Variants in ADGRG7 observed in about 807,000 individuals in gnomAD.
The protein encoded by ADGRG7 is G-protein coupled receptor 128.
Under a neutral mutation model 88.6 loss-of-function variants are expected in ADGRG7, and 82 were observed. The ratio of observed to expected loss-of-function variants is 0.93; its 90% CI spans 0.77 to 1.11. The LOEUF is 1.11. Among genes scored for constraint, ADGRG7 ranks in the 50% most tolerant of loss-of-function variants. ADGRG7 has a pLI of 0.00. For missense variants in ADGRG7, 945 were observed against 953.4 expected, an observed-to-expected ratio of 0.99 and a Z score of 0.12; for synonymous variants, 381 against 345.2, an observed-to-expected ratio of 1.10 and a Z score of -1.15.
At chr3:100,632,036 A>G (rs1306223995) in intron 3 of ADGRG7, among the ~76,000 whole-genome samples, 1 of 152,128 alleles carries the variant, frequency 6.6e-6, no homozygotes, top group Non-Finnish European at 1.5e-5. Context: ...ACTATACTAT[A>G]TGGTATGCTA....
chr3:100,621,179 A>G (rs1338057136), intron 1 of ADGRG7, among the ~76,000 whole-genome samples: 2 of 152,170 alleles, frequency 1.3e-5, no homozygotes, highest in Non-Finnish European at 2.9e-5. Flanking sequence ...CCGAGACACA[A>G]CATCGTTGAA....
intron 11 of ADGRG7, chr3:100,654,215 G>A (rs985590656): frequency 9.9e-5 from 15 of 152,092 alleles, no homozygotes; most frequent in Admixed American, 9.8e-4. Flanking sequence ...TCACGTGGAG[G>A]GCCATGTTAT....
chr3:100,695,064 C>A lies in ADGRG7; in HGVS notation c.*63C>A. On this transcript the variant is annotated 3_prime_UTR_variant, in exon 16 of 16. Transcript: ENST00000273352. ...TCGTTTGAGTTTTATCTGTTTCTCT[C>A]CTTTATTTCCCAGTCCTCTCAGAAA... The A allele has an allele frequency of 6.6e-7, 1 of 1,509,044 alleles. No homozygotes were observed. The highest frequency in any genetic ancestry group is 1.2e-5 in the South Asian group (1 of 80,510). The allele number at this position is 1,509,044 out of a possible 1,614,324, so 93.5% of individuals were successfully genotyped here.
Position 100,655,020 on chromosome 3 carries a change from C to G in ADGRG7, c.1565C>G (p.Pro522Arg). The G allele has an allele frequency of 6.2e-7, 1 of 1,614,050 alleles. No individual in the cohort carries two copies. The highest frequency in any genetic ancestry group is 1.1e-5 in the South Asian group (1 of 91,064). The part of the protein sequence containing the change: ...DIPRTDTINI[P>R]NPMCTAIAAL... ...CCCAGGACAGACACCATTAACATCC[C>G]GAATCCCATGTGCACTGCGATTGCC... Residue 522 changes from proline to arginine, a missense_variant, in exon 12 of 16, where the codon CCG (proline) becomes CGG (arginine). By Grantham distance (103) the Pro-to-Arg change is moderately radical. Coordinates refer to ENST00000273352, the MANE Select transcript of ADGRG7 (RefSeq NM_032787.3).
intron 10 of ADGRG7, among the ~76,000 whole-genome samples, chr3:100,649,250 G>A (rs915069087): frequency 1.3e-5 from 2 of 152,180 alleles, no homozygotes; most frequent in African/African-American, 4.8e-5. Flanking sequence ...AAAAAAGTCT[G>A]CCCTCCACAT....
intron 15 of ADGRG7, among the ~76,000 whole-genome samples, chr3:100,681,999 G>T (rs2094974065): frequency 6.6e-6 from 1 of 152,172 alleles, no homozygotes; most frequent in Non-Finnish European, 1.5e-5. Context: ...TTCAGTTTTG[G>T]TATTTATTGA....
chr3:100,680,219 A>T (rs944442952), intron 15 of ADGRG7, among the ~76,000 whole-genome samples: 2 of 152,196 alleles, frequency 1.3e-5, no homozygotes, highest in African/African-American at 4.8e-5. Flanking sequence ...TATCATTTAG[A>T]TAAAAAGGTT....
intron 14 of ADGRG7, among the ~76,000 whole-genome samples, chr3:100,665,642 C>T (rs1008411125): frequency 1.3e-5 from 2 of 152,132 alleles, no homozygotes; most frequent in African/African-American, 4.8e-5. Context: ...CACTGATAAA[C>T]ATTAAAAGTA....
At chr3:100,635,424 G>C in intron 4 of ADGRG7, 1 of 538,060 alleles carries the variant, frequency 1.9e-6, no homozygotes, top group Non-Finnish European at 2.8e-6. Context: ...ATACACTCTA[G>C]TAGCCCCAAT....
At chr3:100,691,602 C>T in intron 15 of ADGRG7, among the ~76,000 whole-genome samples, 1 of 151,634 alleles carries the variant, frequency 6.6e-6, no homozygotes, top group Non-Finnish European at 1.5e-5. Flanking sequence ...GGAGAATTCC[C>T]ATGTACACTT....
At chr3:100,694,087 G>A (rs1484948828) in intron 15 of ADGRG7, among the ~76,000 whole-genome samples, 3 of 152,194 alleles carry the variant, frequency 2.0e-5, no homozygotes, top group Admixed American at 2.0e-4. Context: ...TCTGAAACAT[G>A]CGGATGATAA....
chr3:100,627,012 T>C (rs1161842420), intron 1 of ADGRG7, among the ~76,000 whole-genome samples: 1 of 152,234 alleles, frequency 6.6e-6, no homozygotes, highest in African/African-American at 2.4e-5. Flanking sequence ...TAGCATTTCA[T>C]ATATTTGATG....
At chr3:100,649,456 T>C (rs2094925511) in intron 10 of ADGRG7, among the ~76,000 whole-genome samples, 1 of 152,234 alleles carries the variant, frequency 6.6e-6, no homozygotes, top group South Asian at 2.1e-4. Context: ...GACATGACTG[T>C]ATATTTTTCC....
chr3:100,691,052 C>G (rs2094992728), intron 15 of ADGRG7, among the ~76,000 whole-genome samples: 1 of 152,250 alleles, frequency 6.6e-6, no homozygotes. Flanking sequence ...CCTACTCAAG[C>G]CTCAGCAATG....
intron 1 of ADGRG7, among the ~76,000 whole-genome samples, chr3:100,618,692 C>T (rs923304805): frequency 1.4e-4 from 22 of 152,086 alleles, no homozygotes; most frequent in East Asian, 3.8e-4. Context: ...ATTGACTTGG[C>T]GATGCGGGCT....
intron 15 of ADGRG7, among the ~76,000 whole-genome samples, chr3:100,670,145 G>C (rs193094940): frequency 6.6e-6 from 1 of 151,380 alleles, no homozygotes; most frequent in Non-Finnish European, 1.5e-5. Context: ...AACCATTCCC[G>C]CTTTCCCCTC....
intron 15 of ADGRG7, among the ~76,000 whole-genome samples, chr3:100,682,033 G>A (rs1175695089): frequency 6.6e-6 from 1 of 152,184 alleles, no homozygotes; most frequent in African/African-American, 2.4e-5. Context: ...TGATGCCAGC[G>A]GCAGCCCATC....
chr3:100,630,633 CTTTGACT>C lies in ADGRG7; in HGVS notation c.230-68_230-62del, dbSNP rs1257711011. On this transcript the variant is annotated intron_variant, in intron 2 of 15. Transcript: ENST00000273352. ...CAAATTTCACTGCATAGGTTCTGACCTTTGACTTTTATCTGGTTTCAATTTTTTTAAA... is the reference window on the plus strand; with the variant it reads ...CAAATTTCACTGCATAGGTTCTGACCTTTATCTGGTTTCAATTTTTTTAAA... 3 of 664,504 alleles carry C rather than the reference CTTTGACT, an allele frequency of 4.5e-6. No homozygotes were observed. The African/African-American group carries it at 5.7e-5, about 13-fold the overall frequency. The allele number at this position is 664,504 out of a possible 1,614,324, so 41.2% of individuals were successfully genotyped here. A position where few individuals can be genotyped will look rare whatever the true frequency, so the allele number is the denominator to read the frequency against.
At chr3:100,630,971 G>GGA (rs1707452705) in intron 3 of ADGRG7, among the ~76,000 whole-genome samples, 162 bp downstream of exon 3, 1 of 152,120 alleles carries the variant, frequency 6.6e-6, no homozygotes, top group Admixed American at 6.5e-5. Flanking sequence ...ACTTAAGGTA[G>GGA]TATCTCACAA....
Sources: gnomAD v4.1 joint callset for allele counts (sites outside exome capture counted in the v4.1 genomes callset) on GRCh38, gnomAD v4.1.1 for gene constraint, MANE v1.5 for transcripts, NCBI Gene and HGNC (gene_info 2026-07-23, HGNC 2026-07-21) for gene names.